Variants in WTIP observed in about 807,000 individuals in gnomAD.
The protein encoded by WTIP is Wilms tumor protein 1-interacting protein.
In WTIP, 23 loss-of-function variants were observed where a neutral mutation model predicts 41.7. The observed-to-expected ratio is 0.55, with a 90% CI of 0.40 to 0.78. The LOEUF is 0.78. Ranked by LOEUF, WTIP falls within the 30% of genes least tolerant of loss-of-function variation. WTIP has a pLI of 0.00. For synonymous variants in WTIP, 314 were observed against 269.9 expected (o/e 1.16, Z -1.60); for missense variants, 619 against 610.5 (o/e 1.01, Z -0.15).
rs756073788 is a variant in WTIP at position 34,490,357 on chromosome 19, C to T, written c.668-19C>T. 1.4e-5 allele frequency: 23 copies of T among 1,612,800 alleles called. 1 individual carries two copies. Among genetic ancestry groups the T allele is most frequent in the South Asian group, 5.5e-5 (5 of 91,064 alleles). On this transcript the variant is annotated intron_variant, in intron 1 of 7. Coordinates refer to ENST00000590071, the MANE Select transcript of WTIP (RefSeq NM_001080436.2). Reference sequence around the variant, plus strand: ...GCTGTGGCGCTAACCCCTGCTCTCTCCTGCCTCTCCTCTCCTAGGCATTTG... The same window carrying T: ...GCTGTGGCGCTAACCCCTGCTCTCTTCTGCCTCTCCTCTCCTAGGCATTTG...
intron 1 of WTIP, among the ~76,000 whole-genome samples, chr19:34,485,931 C>T (rs539511453): frequency 1.1e-3 from 162 of 152,214 alleles, no homozygotes; most frequent in Non-Finnish European, 1.7e-3. Flanking sequence ...TCATCTCTTC[C>T]TGTCCTTGGC....
In WTIP at chr19:34,506,440, T is replaced by G. The variant is rs2075911572; in HGVS notation, c.*6171T>G. 1 of 152,212 alleles carries G rather than the reference T, an allele frequency of 6.6e-6. No homozygotes were observed. The highest frequency in any genetic ancestry group is 1.5e-5 in the Non-Finnish European group (1 of 68,044). The allele number at this position is 152,212 out of a possible 1,614,324, so 9.4% of individuals were successfully genotyped here. A position where few individuals can be genotyped will look rare whatever the true frequency, so the allele number is the denominator to read the frequency against. ...TACTCTGGAAAGCCTTGTCTCGTGTTTTAGAGCTTGTAGGGTTTAATAAAA... is the reference window on the plus strand; with the variant it reads ...TACTCTGGAAAGCCTTGTCTCGTGTGTTAGAGCTTGTAGGGTTTAATAAAA... On this transcript the variant is annotated 3_prime_UTR_variant, in exon 8 of 8. Coordinates refer to ENST00000590071, the MANE Select transcript of WTIP (RefSeq NM_001080436.2).
intron 7 of WTIP, among the ~76,000 whole-genome samples, chr19:34,499,919 G>A (rs1314559456): frequency 6.6e-6 from 1 of 151,990 alleles, no homozygotes; most frequent in South Asian, 2.1e-4. Context: ...GGCTGGTCTC[G>A]AACTCCTGAC....
At chr19:34,500,049 C>T (rs2075876137) in intron 7 of WTIP, 80 bp from the exon 8 acceptor site, 1 of 1,545,996 alleles carries the variant, frequency 6.5e-7, no homozygotes. Flanking sequence ...TGCCCCTCCC[C>T]TCCGTCCCTC....
At chr19:34,489,096 G>C (rs548697324) in intron 1 of WTIP, among the ~76,000 whole-genome samples, 2 of 149,542 alleles carry the variant, frequency 1.3e-5, no homozygotes, top group African/African-American at 4.9e-5. Context: ...CTACTCGGGA[G>C]GCTGAGGCAG....
Position 34,507,734 on chromosome 19 carries a change from A to G in WTIP, c.*7465A>G, listed in dbSNP as rs561007127. 3 of 152,268 alleles carry G rather than the reference A, an allele frequency of 2.0e-5. No individual in the cohort carries two copies. The highest frequency in any genetic ancestry group is 3.4e-3 in the Middle Eastern group (1 of 296). 9.4% of individuals were successfully genotyped at this position (152,268 alleles called of 1,614,324 possible). On this transcript the variant is annotated 3_prime_UTR_variant, in exon 8 of 8. Coordinates refer to ENST00000590071, the MANE Select transcript of WTIP (RefSeq NM_001080436.2). Reference sequence around the variant, plus strand: ...TATAGACTTGGACTAGGTGGATGCTATTTTTCATGGTGGTGGTGATGGGAG... The same window carrying G: ...TATAGACTTGGACTAGGTGGATGCTGTTTTTCATGGTGGTGGTGATGGGAG...
rs190580258 is a variant in WTIP, at chr19:34,504,886, G to T, written c.*4617G>T. ...AGCAAGGACTTCCGGTGCCACACTCGGGAGGGGTGAGGGCTTTGCTGGCTG... is the reference window on the plus strand; with the variant it reads ...AGCAAGGACTTCCGGTGCCACACTCTGGAGGGGTGAGGGCTTTGCTGGCTG... On this transcript the variant is annotated 3_prime_UTR_variant, in exon 8 of 8. Transcript: ENST00000590071. 6.6e-6 allele frequency: 1 copy of T among 152,530 alleles called. No homozygotes were observed. The highest frequency in any genetic ancestry group is 6.5e-5 in the Admixed American group (1 of 15,316). 9.4% of individuals were successfully genotyped at this position (152,530 alleles called of 1,614,324 possible).
chr19:34,493,381 C>T lies in WTIP; in HGVS notation c.900+56C>T, dbSNP rs949076457. On this transcript the variant is annotated intron_variant, in intron 4 of 7. Transcript: ENST00000590071. This position sits in a 1 kb window ranked among gnomAD's most constrained non-coding sequence, Gnocchi z 4.1. ...CTCTGACGTGGGTGGAGTCTGAGGA[C>T]TCTACCGTCTCCCCTGCTCCAGACC... The T allele has an allele frequency of 6.3e-7, 1 of 1,594,244 alleles. No homozygotes were observed. The highest frequency in any genetic ancestry group is 8.5e-7 in the Non-Finnish European group (1 of 1,171,082).
chr19:34,486,588 C>G (rs1237500290), intron 1 of WTIP, among the ~76,000 whole-genome samples: 4 of 152,178 alleles, frequency 2.6e-5, no homozygotes, highest in Admixed American at 6.5e-5. Context: ...AGGATGGTCT[C>G]ATCTCCTGAC....
rs370782319 is a variant in WTIP, at chr19:34,500,144, C to T, written c.1168C>T (p.Leu390=). 10 of 1,600,288 alleles carry T rather than the reference C, an allele frequency of 6.2e-6. No homozygotes were observed. Among genetic ancestry groups the T allele is most frequent in the African/African-American group, 2.7e-5 (2 of 74,904 alleles). ...TCTTCCCTAGGACTGCGGGCTGCAGCTGAGCGGGGAGGAGGGACGCCGTTG... is the reference window on the plus strand; with the variant it reads ...TCTTCCCTAGGACTGCGGGCTGCAGTTGAGCGGGGAGGAGGGACGCCGTTG... ...CYHCEDCGLQ[L]SGEEGRRCYP... The change falls in exon 8 of 8, where the codon CTG becomes TTG. Residue 390 remains leucine (L), a synonymous_variant. Transcript: ENST00000590071.
intron 7 of WTIP, 108 bp from the exon 8 acceptor site, chr19:34,500,021 T>C (rs1476223316): frequency 2.0e-6 from 3 of 1,463,516 alleles, no homozygotes; most frequent in East Asian, 4.7e-5. Context: ...CATGTTGTTT[T>C]GCGGCACCCT....
Position 34,487,136 on chromosome 19 carries a change from G to C in WTIP, c.668-3240G>C, listed in dbSNP as rs1296817155. ...TTTTTTTTTTTTGAGACGGAGTCTT[G>C]CTCCGTCACCCAGGCTGGAGTGCAG... is the stretch of plus-strand genomic sequence containing the variant. On this transcript the variant is annotated intron_variant, in intron 1 of 7. Coordinates refer to ENST00000590071, the MANE Select transcript of WTIP (RefSeq NM_001080436.2). 2.6e-5 allele frequency among the ~76,000 whole-genome samples: 3 copies of C among 114,012 alleles called. No homozygotes were observed. The Admixed American group carries it at 3.4e-4, about 13-fold the overall frequency. The allele number at this position is 114,012 out of a possible 152,430, so 74.8% of individuals were successfully genotyped here.
rs2075835315 is a variant in WTIP at position 34,493,300 on chromosome 19, T to C, written c.875T>C (p.Val292Ala). Residue 292 changes from valine to alanine, a missense_variant, in exon 4 of 8, where the codon GTG (valine) becomes GCG (alanine). Val to Ala is a moderately conservative substitution (Grantham distance 64). This residue lies in a region of WTIP where 164 missense variants were observed against 219.1 expected (regional missense o/e 0.75). Transcript: ENST00000590071. This position sits in a 1 kb window ranked among gnomAD's most constrained non-coding sequence, Gnocchi z 4.1. ...GFQQTADKCSVCGHLIMEMIL... is the reference protein window; with the variant it reads ...GFQQTADKCSACGHLIMEMIL... ...CAGCAGACGGCCGACAAATGCAGCG[T>C]GTGTGGACATCTCATCATGGAAATG... is the stretch of plus-strand genomic sequence containing the variant. 1 of 1,613,394 alleles carries C rather than the reference T, an allele frequency of 6.2e-7. No homozygotes were observed. The highest frequency in any genetic ancestry group is 8.5e-7 in the Non-Finnish European group (1 of 1,179,740).
rs1009084372 is a variant in WTIP, at chr19:34,501,687, A to G, written c.*1418A>G. 3 of 152,366 alleles carry G rather than the reference A, an allele frequency of 2.0e-5. No homozygotes were observed. Among genetic ancestry groups the G allele is most frequent in the Non-Finnish European group, 4.4e-5 (3 of 68,124 alleles). The allele number at this position is 152,366 out of a possible 1,614,324, so 9.4% of individuals were successfully genotyped here. Reference sequence around the variant, plus strand: ...GGAACAAACACCAGGAGGCGCCCGCAGGGAAGTGGCGGCTTCGGAGTCCAG... The same window carrying G: ...GGAACAAACACCAGGAGGCGCCCGCGGGGAAGTGGCGGCTTCGGAGTCCAG... On this transcript the variant is annotated 3_prime_UTR_variant, in exon 8 of 8. Coordinates refer to ENST00000590071, the MANE Select transcript of WTIP (RefSeq NM_001080436.2).
rs1197117540 is a variant in WTIP at position 34,509,326 on chromosome 19, A to G, written c.*9057A>G. The G allele has an allele frequency of 6.6e-6, 1 of 152,236 alleles. No homozygotes were observed. Among genetic ancestry groups the G allele is most frequent in the Non-Finnish European group, 1.5e-5 (1 of 68,032 alleles). 9.4% of individuals were successfully genotyped at this position (152,236 alleles called of 1,614,324 possible). On this transcript the variant is annotated 3_prime_UTR_variant, in exon 8 of 8. Coordinates refer to ENST00000590071, the MANE Select transcript of WTIP (RefSeq NM_001080436.2). ...CACATGGCTGGGGAGGCCTCCCACC[A>G]AAAGGCACTTTCATGGTGGCGGCAA...
chr19:34,509,853 G>A lies in WTIP; in HGVS notation c.*9584G>A, dbSNP rs903152457. ...GACCCATGCAAGTCCAAAATCCAGCGGGGCAGTCAAATTTTGAAGCTCCAA... is the reference window on the plus strand; with the variant it reads ...GACCCATGCAAGTCCAAAATCCAGCAGGGCAGTCAAATTTTGAAGCTCCAA... On this transcript the variant is annotated 3_prime_UTR_variant, in exon 8 of 8. Coordinates refer to ENST00000590071, the MANE Select transcript of WTIP (RefSeq NM_001080436.2). 5 of 152,128 alleles carry A rather than the reference G, an allele frequency of 3.3e-5. No homozygotes were observed. Among genetic ancestry groups the A allele is most frequent in the Non-Finnish European group, 5.9e-5 (4 of 68,032 alleles). 9.4% of individuals were successfully genotyped at this position (152,128 alleles called of 1,614,324 possible). A position where few individuals can be genotyped will look rare whatever the true frequency, so the allele number is the denominator to read the frequency against.
At chr19:34,496,289 A>G (rs1467762962) in intron 7 of WTIP, among the ~76,000 whole-genome samples, 2 of 152,140 alleles carry the variant, frequency 1.3e-5, no homozygotes, top group Admixed American at 1.3e-4. Flanking sequence ...TCTTATCTCA[A>G]CCTCCTGAGT....
Position 34,482,081 on chromosome 19 carries a change from G to T in WTIP, c.107G>T (p.Gly36Val). 2 of 1,037,588 alleles carry T rather than the reference G, an allele frequency of 1.9e-6. No individual in the cohort carries two copies. The highest frequency in any genetic ancestry group is 2.3e-6 in the Non-Finnish European group (2 of 865,100). The allele number at this position is 1,037,588 out of a possible 1,614,324, so 64.3% of individuals were successfully genotyped here. A position where few individuals can be genotyped will look rare whatever the true frequency, so the allele number is the denominator to read the frequency against. ...GGCTCTCCCGGTCGGGGGCGGCGGG[G>T]GCCGCGGCCTGGGCCTGGAGACGAG... ...GCGSPGRGRR[G>V]PRPGPGDEAA... The change falls in exon 1 of 8, where the codon GGG (glycine) becomes GTG (valine). Residue 36 changes from glycine to valine, a missense_variant. Coordinates refer to ENST00000590071, the MANE Select transcript of WTIP (RefSeq NM_001080436.2).
At chr19:34,483,605 G>A (rs768181785) in intron 1 of WTIP, among the ~76,000 whole-genome samples, 2 of 152,186 alleles carry the variant, frequency 1.3e-5, no homozygotes, top group Non-Finnish European at 2.9e-5. Context: ...CTGTGCTGTG[G>A]ACATAGGATG....
Sources: gnomAD v4.1 joint callset for allele counts (sites outside exome capture counted in the v4.1 genomes callset) on GRCh38, gnomAD v4.1.1 for gene constraint, gnomAD v4.1.1 regional missense constraint, Gnocchi (gnomAD v3.1) non-coding constraint, MANE v1.5 for transcripts, NCBI Gene and HGNC (gene_info 2026-07-23, HGNC 2026-07-21) for gene names.